Variants in TMPRSS7 observed in about 807,000 individuals in gnomAD.
TMPRSS7 encodes transmembrane protease serine 7.
TMPRSS7 carries 81 observed loss-of-function variants against 95.6 expected under a neutral mutation model. The ratio of observed to expected loss-of-function variants is 0.85; its 90% CI spans 0.71 to 1.02. TMPRSS7 has a LOEUF of 1.02. Ranked by LOEUF, TMPRSS7 falls within the 50% of genes least tolerant of loss-of-function variation. The pLI is 0.00. For missense variants in TMPRSS7, 945 were observed against 955.2 expected, an observed-to-expected ratio of 0.99 and a Z score of 0.14; for synonymous variants, 364 against 337.8, an observed-to-expected ratio of 1.08 and a Z score of -0.85.
chr3:112,063,003 C>T (rs1456325165), intron 11 of TMPRSS7, among the ~76,000 whole-genome samples: 1 of 152,166 alleles, frequency 6.6e-6, no homozygotes, highest in East Asian at 1.9e-4. Context: ...AGTAAGTAAT[C>T]TCTCTAGGTC....
exon 9 of TMPRSS7, chr3:112,050,704 C>G (rs1023737100): frequency 6.2e-7 from 1 of 1,605,088 alleles, no homozygotes; most frequent in Non-Finnish European, 8.5e-7. Context: ...AAAGACATCA[C>G]TGGCTTTGAA....
At chr3:112,077,215 G>A in intron 16 of TMPRSS7, 71 bp downstream of exon 16, 1 of 1,533,190 alleles carries the variant, frequency 6.5e-7, no homozygotes, top group African/African-American at 1.4e-5. Flanking sequence ...AGTGCTTTAG[G>A]GTTCACAGAG....
At chr3:112,078,203 G>A (rs2073736130) in intron 16 of TMPRSS7, among the ~76,000 whole-genome samples, 1 of 152,186 alleles carries the variant, frequency 6.6e-6, no homozygotes, top group Admixed American at 6.5e-5. Context: ...TATCACAGGA[G>A]AAAAGCATCT....
At chr3:112,066,547 C>G in intron 13 of TMPRSS7, 45 bp downstream of exon 13, 1 of 1,569,334 alleles carries the variant, frequency 6.4e-7, no homozygotes, top group Non-Finnish European at 8.8e-7. Flanking sequence ...CTATGAAACT[C>G]TTCTAAATCA....
At chr3:112,066,991 C>G (rs762075793) in intron 13 of TMPRSS7, among the ~76,000 whole-genome samples, 3 of 152,098 alleles carry the variant, frequency 2.0e-5, no homozygotes, top group African/African-American at 4.8e-5. Context: ...GCCCTTACCC[C>G]CTGACAGGCC....
At chr3:112,053,383 T>G (rs1405122754) in intron 9 of TMPRSS7, among the ~76,000 whole-genome samples, 2 of 152,270 alleles carry the variant, frequency 1.3e-5, no homozygotes, top group East Asian at 3.9e-4. Context: ...TGAGAAGGAT[T>G]AACTCCTGCT....
intron 9 of TMPRSS7, among the ~76,000 whole-genome samples, chr3:112,055,454 G>GACACACACACACACACAC (rs142185504): frequency 0.035 from 5,177 of 148,808 alleles, 111 homozygotes; most frequent in Non-Finnish European, 0.044. Context: ...CACTTGCGCA[G>GACACACACACACACACAC]ACACACACAC....
chr3:112,050,203 G>C (rs1257941331), intron 8 of TMPRSS7, among the ~76,000 whole-genome samples: 3 of 152,108 alleles, frequency 2.0e-5, no homozygotes, highest in African/African-American at 7.2e-5. Flanking sequence ...AAGGCAAAAA[G>C]GACAAGAAGA....
chr3:112,048,062 A>C (rs1486686675), intron 7 of TMPRSS7, 95 bp downstream of exon 7: 1 of 1,200,238 alleles, frequency 8.3e-7, no homozygotes, highest in Non-Finnish European at 1.2e-6. Context: ...TTTTAAAAAC[A>C]GTTTTTGTGT....
rs528361103 is a variant in TMPRSS7 at position 112,060,296 on chromosome 3, T to C, written c.1311-1491T>C. The stretch of plus-strand genomic sequence containing the variant: ...AGTTTCGGGCACACATTGTCATTGA[T>C]AACATCTTATCAGGAGACAGGGTTT... On this transcript the variant is annotated intron_variant, in intron 10 of 17. Coordinates refer to ENST00000452346, the Ensembl canonical transcript of TMPRSS7. Among the ~76,000 whole-genome samples, 11 of 152,298 alleles carry C rather than the reference T, an allele frequency of 7.2e-5. No homozygotes were observed. In the South Asian group the frequency reaches 2.3e-3, roughly 32 times the overall value.
At chr3:112,040,786 A>G (rs1209432855) in intron 2 of TMPRSS7, among the ~76,000 whole-genome samples, 4 of 152,216 alleles carry the variant, frequency 2.6e-5, no homozygotes, top group Non-Finnish European at 5.9e-5. Context: ...ATGGACCAGT[A>G]AGAATTTTTC....
chr3:112,070,637 A>T (rs985737195), intron 13 of TMPRSS7, among the ~76,000 whole-genome samples: 44 of 152,206 alleles, frequency 2.9e-4, no homozygotes, highest in African/African-American at 1.0e-3. Context: ...TTTATTAGAA[A>T]CTAGGATTGC....
chr3:112,047,815 G>A, exon 7 of TMPRSS7: 1 of 1,614,156 alleles, frequency 6.2e-7, no homozygotes, highest in East Asian at 2.2e-5. Flanking sequence ...CAGCCTCAGG[G>A]AGGCTGATGT....
At chr3:112,075,627 A>ACT in intron 15 of TMPRSS7, 135 bp downstream of exon 15, 2 of 737,784 alleles carry the variant, frequency 2.7e-6, no homozygotes, top group South Asian at 5.5e-5. Context: ...TTTGGATCCC[A>ACT]CGTGTGTGAC....
intron 13 of TMPRSS7, among the ~76,000 whole-genome samples, chr3:112,070,919 T>C (rs991933198): frequency 1.3e-5 from 2 of 152,258 alleles, no homozygotes; most frequent in Non-Finnish European, 2.9e-5. Context: ...TCTGTGTCTT[T>C]TAACTGGGGC....
At chr3:112,034,738 C>T (rs1035952224), upstream of TMPRSS7, 2 of 665,890 alleles carry the variant, frequency 3.0e-6, no homozygotes, top group Non-Finnish European at 2.7e-6. Context: ...CCTCTGAAAG[C>T]TAGCTTGAAT....
At chr3:112,037,744 ACTCTTT>A (rs1470702446) in intron 1 of TMPRSS7, among the ~76,000 whole-genome samples, 3 of 151,462 alleles carry the variant, frequency 2.0e-5, no homozygotes, top group African/African-American at 7.3e-5. Flanking sequence ...TCTCTTTTGT[ACTCTTT>A]CTCTTTATTT....
intron 9 of TMPRSS7, among the ~76,000 whole-genome samples, chr3:112,054,634 C>T (rs1335934568): frequency 6.7e-6 from 1 of 149,594 alleles, no homozygotes; most frequent in African/African-American, 2.5e-5. Context: ...GTGAAAATGC[C>T]TAACTGAGCT....
At chr3:112,047,706 A>AG (rs770191204) in intron 6 of TMPRSS7, 33 bp from the exon 7 acceptor site, 36 of 1,476,666 alleles carry the variant, frequency 2.4e-5, no homozygotes, top group Non-Finnish European at 2.9e-5. Context: ...CTAAAAAAAA[A>AG]GAAAATAAAG....
Sources: allele counts gnomAD v4.1 joint callset (sites outside exome capture counted in the v4.1 genomes callset), GRCh38; gene constraint gnomAD v4.1.1; transcripts MANE v1.5; gene names NCBI Gene and HGNC (gene_info 2026-07-23, HGNC 2026-07-21).